CPLANE1: variants seen among roughly 807,000 people sequenced by gnomAD.
CPLANE1 encodes the protein ciliogenesis and planar polarity effector complex subunit 1.
Under a neutral mutation model 362.5 loss-of-function variants are expected in CPLANE1, and 263 were observed. That is an observed-to-expected ratio of 0.73 (90% confidence interval 0.66 to 0.80). The LOEUF is 0.80. Among genes scored for constraint, CPLANE1 ranks in the 30% least tolerant of loss-of-function variants. The pLI, the probability that CPLANE1 is intolerant of heterozygous loss-of-function variation, is 0.00. For missense variants in CPLANE1, 3,461 were observed against 3,793.4 expected, an observed-to-expected ratio of 0.91 and a Z score of 2.30; for synonymous variants, 1,212 against 1,302.6, an observed-to-expected ratio of 0.93 and a Z score of 1.50.
Position 37,169,376 on chromosome 5 carries a change from T to A in CPLANE1, c.6648A>T (p.Ala2216=). Residue 2216 remains alanine (A), a synonymous_variant, in exon 34 of 53, where the codon GCA becomes GCT. Transcript: ENST00000651892. ...VQKAPRLIPH[A]KTFSPGDGFP... ...AGCCATCACCAGGACTAAATGTTTTTGCATGTGGGATAAGTCTAGGTGCCT... is the reference window on the plus strand; with the variant it reads ...AGCCATCACCAGGACTAAATGTTTTAGCATGTGGGATAAGTCTAGGTGCCT... The A allele has an allele frequency of 6.2e-7, 1 of 1,614,214 alleles. No homozygotes were observed.
intron 32 of CPLANE1, among the ~76,000 whole-genome samples, chr5:37,172,801 C>G (rs979385262): frequency 6.6e-6 from 1 of 152,122 alleles, no homozygotes; most frequent in Non-Finnish European, 1.5e-5. Flanking sequence ...GCCTGGCCAA[C>G]ATGGCGAAAC....
chr5:37,173,005 A>T (rs958682639), intron 32 of CPLANE1, among the ~76,000 whole-genome samples: 6 of 152,190 alleles, frequency 3.9e-5, no homozygotes, highest in African/African-American at 1.4e-4. Context: ...ATATAAAAAA[A>T]ATTTTTAAAA....
chr5:37,085,542 T>C, the CPLANE1 span: 2 of 820,196 alleles, frequency 2.4e-6, no homozygotes. Flanking sequence ...TCAGACTGAT[T>C]TGGAGACTGG....
chr5:37,246,037 G>A (rs1375742601), intron 2 of CPLANE1, 192 bp from the exon 3 acceptor site: 23 of 396,976 alleles, frequency 5.8e-5, no homozygotes, highest in East Asian at 1.3e-4. Flanking sequence ...AAAATACCTC[G>A]TTAGAATTAA....
At chr5:37,118,587 T>C (rs1379887888) in intron 50 of CPLANE1, among the ~76,000 whole-genome samples, 1 of 152,184 alleles carries the variant, frequency 6.6e-6, no homozygotes, top group East Asian at 1.9e-4. Flanking sequence ...TTGTATGATC[T>C]TGGGCAATTA....
In CPLANE1 at chr5:37,148,165, A is replaced by G; in HGVS notation, c.8461+16T>C. The G allele has an allele frequency of 1.2e-6, 2 of 1,600,392 alleles. No homozygotes were observed. Among genetic ancestry groups the G allele is most frequent in the Non-Finnish European group, 1.7e-6 (2 of 1,168,868 alleles). On this transcript the variant is annotated intron_variant, in intron 43 of 52. Coordinates refer to ENST00000651892, the MANE Select transcript of CPLANE1 (RefSeq NM_001384732.1). Reference sequence around the variant, plus strand: ...TAAAGCAAGACTTCAGCCAGCCCCTATCAGCCCCTACAAACCTTCTTCAGA... The same window carrying G: ...TAAAGCAAGACTTCAGCCAGCCCCTGTCAGCCCCTACAAACCTTCTTCAGA...
intron 15 of CPLANE1, among the ~76,000 whole-genome samples, chr5:37,220,371 G>A (rs887089007): frequency 4.6e-5 from 7 of 151,880 alleles, no homozygotes; most frequent in South Asian, 2.1e-4. Flanking sequence ...AGACACATTC[G>A]TATATACAGT....
chr5:37,169,968 G>C, intron 33 of CPLANE1, 73 bp downstream of exon 33: 1 of 1,453,526 alleles, frequency 6.9e-7, no homozygotes, highest in South Asian at 1.3e-5. Flanking sequence ...CTCAGGTGTG[G>C]CCTGCCAAAG....
intron 20 of CPLANE1, among the ~76,000 whole-genome samples, chr5:37,197,903 C>T (rs530689301): frequency 3.3e-5 from 5 of 152,170 alleles, no homozygotes; most frequent in African/African-American, 7.2e-5. Context: ...ACCCCGGCAA[C>T]CAACCACTAG....
rs1342014322 is a variant in CPLANE1, at chr5:37,209,256, C to G, written c.2921-2831G>C. The G allele has an allele frequency of 1.5e-6, 1 of 685,030 alleles. No homozygotes were observed. The highest frequency in any genetic ancestry group is 1.8e-5 in the African/African-American group (1 of 56,978). 42.4% of individuals were successfully genotyped at this position (685,030 alleles called of 1,614,324 possible). A position where few individuals can be genotyped will look rare whatever the true frequency, so the allele number is the denominator to read the frequency against. ...GACCCCTCAGGACAGAAGCAGGGCTCTGGAGGGCAGGGATTCCCCCTCGTC... is the reference window on the plus strand; with the variant it reads ...GACCCCTCAGGACAGAAGCAGGGCTGTGGAGGGCAGGGATTCCCCCTCGTC... On this transcript the variant is annotated intron_variant, in intron 16 of 52. Coordinates refer to ENST00000651892, the MANE Select transcript of CPLANE1 (RefSeq NM_001384732.1). This position sits in a 1 kb window ranked among gnomAD's most constrained non-coding sequence, Gnocchi z 4.6.
At chr5:37,214,106 T>C (rs902452243) in intron 15 of CPLANE1, among the ~76,000 whole-genome samples, 2 of 152,120 alleles carry the variant, frequency 1.3e-5, no homozygotes, top group African/African-American at 2.4e-5. Flanking sequence ...ATATAAAAAA[T>C]ATATGTAAAT....
intron 26 of CPLANE1, among the ~76,000 whole-genome samples, chr5:37,182,478 G>C (rs959291405): frequency 8.5e-5 from 13 of 152,158 alleles, no homozygotes; most frequent in Non-Finnish European, 2.9e-5. Context: ...AATAATATAC[G>C]TGTAATACCA....
chr5:37,184,356 C>A lies in CPLANE1; in HGVS notation c.4481+432G>T, dbSNP rs373460670. Reference sequence around the variant, plus strand: ...TGTTGGCCACCTGGGCTGAAAGCATCCCATCCCTTCTGATTGAGGCAATTT... The same window carrying A: ...TGTTGGCCACCTGGGCTGAAAGCATACCATCCCTTCTGATTGAGGCAATTT... On this transcript the variant is annotated intron_variant, in intron 25 of 52. Transcript: ENST00000651892. Among the ~76,000 whole-genome samples, 40 of 152,108 alleles carry A rather than the reference C, an allele frequency of 2.6e-4. 2 individuals carry two copies. In the South Asian group the frequency reaches 8.1e-3, roughly 31 times the overall value.
At chr5:37,239,418 C>CA (rs1799777930) in intron 7 of CPLANE1, among the ~76,000 whole-genome samples, 1 of 151,284 alleles carries the variant, frequency 6.6e-6, no homozygotes, top group South Asian at 2.1e-4. Flanking sequence ...CCATCTCTAC[C>CA]AAAAAAATAC....
chr5:37,098,249 G>A, the CPLANE1 span, among the ~76,000 whole-genome samples: 1 of 151,734 alleles, frequency 6.6e-6, no homozygotes, highest in Non-Finnish European at 1.5e-5. Flanking sequence ...AAAAGTACCT[G>A]GGCATGGTGG....
At position 37,183,323 on chromosome 5, in the gene CPLANE1, C is replaced by G; in HGVS notation, c.4858G>C (p.Val1620Leu). The change falls in exon 26 of 53, where the codon GTT (valine) becomes CTT (leucine). Residue 1620 changes from valine to leucine, a missense_variant. This residue lies in a region of CPLANE1 where 3,380 missense variants were observed against 3,666.1 expected (regional missense o/e 0.92). Transcript: ENST00000651892. ...QNVFRAGSCF[V>L]VAPESYESEK... ...GATTCATAGGACTCAGGAGCAACAA[C>G]AAAGCAAGAACCAGCTCTAAACACA... 6.2e-7 allele frequency: 1 copy of G among 1,613,168 alleles called. No individual in the cohort carries two copies. Among genetic ancestry groups the G allele is most frequent in the Non-Finnish European group, 8.5e-7 (1 of 1,179,732 alleles).
chr5:37,235,493 G>T (rs1246730355), intron 8 of CPLANE1, among the ~76,000 whole-genome samples: 1 of 131,640 alleles, frequency 7.6e-6, no homozygotes, highest in South Asian at 2.5e-4. Context: ...CACATAATTA[G>T]AAAAAACAAT....
At position 37,198,943 on chromosome 5, in the gene CPLANE1, G is replaced by C. The variant is rs2151417730; in HGVS notation, c.3508-77C>G. On this transcript the variant is annotated intron_variant, in intron 19 of 52. Coordinates refer to ENST00000651892, the MANE Select transcript of CPLANE1 (RefSeq NM_001384732.1). The stretch of plus-strand genomic sequence containing the variant: ...AATGTTAAAATGAAAATAAAGATAG[G>C]CTAATGAGCTGAGCACAGTGGCTCA... 3 of 1,354,192 alleles carry C rather than the reference G, an allele frequency of 2.2e-6. No individual in the cohort carries two copies. In the East Asian group the frequency reaches 7.6e-5, roughly 34 times the overall value. The allele number at this position is 1,354,192 out of a possible 1,614,324, so 83.9% of individuals were successfully genotyped here.
intron 46 of CPLANE1, among the ~76,000 whole-genome samples, chr5:37,132,674 G>A (rs1244049517): frequency 2.0e-5 from 3 of 152,074 alleles, no homozygotes; most frequent in Non-Finnish European, 4.4e-5. Context: ...TGTAGATTCT[G>A]CATATTAGAT....
Sources: allele counts gnomAD v4.1 joint callset (sites outside exome capture counted in the v4.1 genomes callset), GRCh38; gene constraint gnomAD v4.1.1; regional missense constraint gnomAD v4.1.1; non-coding constraint Gnocchi (gnomAD v3.1); transcripts MANE v1.5; gene names NCBI Gene and HGNC (gene_info 2026-07-23, HGNC 2026-07-21).